EIF4G3: variants seen among roughly 807,000 people sequenced by gnomAD.
EIF4G3 encodes the protein eIF-4-gamma 3.
EIF4G3 carries 34 observed loss-of-function variants against 186.4 expected under a neutral mutation model. The ratio of observed to expected loss-of-function variants is 0.18; its 90% CI spans 0.14 to 0.24. The LOEUF (loss-of-function observed/expected upper bound fraction) is 0.24, where lower values mean the gene tolerates loss of function less well. EIF4G3 is among the 10% of genes least tolerant of loss of function. The probability of loss-of-function intolerance (pLI) is 1.00; values close to 1 mark genes in which losing one functional copy is unlikely to be tolerated. For synonymous variants in EIF4G3, 673 were observed against 679.5 expected (o/e 0.99, Z 0.15); for missense variants, 1,536 against 1,948.5 (o/e 0.79, Z 3.99).
chr1:21,054,557 T>C (rs1292053669), intron 3 of EIF4G3, among the ~76,000 whole-genome samples: 2 of 152,084 alleles, frequency 1.3e-5, no homozygotes, highest in Admixed American at 6.5e-5. Flanking sequence ...AAATAATAAC[T>C]AATGGCAATT....
At chr1:21,084,181 G>A (rs1004732760) in intron 3 of EIF4G3, among the ~76,000 whole-genome samples, 9 of 149,500 alleles carry the variant, frequency 6.0e-5, no homozygotes, top group Non-Finnish European at 1.2e-4. Flanking sequence ...TAATGTCCAT[G>A]TATTAGTCCA....
intron 4 of EIF4G3, among the ~76,000 whole-genome samples, chr1:21,026,271 G>T (rs1012585789): frequency 2.6e-5 from 4 of 152,100 alleles, no homozygotes; most frequent in Non-Finnish European, 5.9e-5. Flanking sequence ...TTTTTGAAAA[G>T]GGTACCAAAA....
intron 19 of EIF4G3, among the ~76,000 whole-genome samples, chr1:20,879,848 A>G (rs903111318): frequency 6.6e-6 from 1 of 152,180 alleles, no homozygotes; most frequent in Admixed American, 6.5e-5. Flanking sequence ...CAGTAATTAC[A>G]CTTTTAGAAA....
chr1:21,174,639 A>G (rs1245961172), intron 2 of EIF4G3: 1 of 152,226 alleles, frequency 6.6e-6, no homozygotes, highest in Non-Finnish European at 1.5e-5. Context: ...AAGATTCAAC[A>G]CTGAACTCTG....
At chr1:21,007,515 T>TAAAAAAAAAAAAAAAAAAAAA (rs368328382) in intron 4 of EIF4G3, among the ~76,000 whole-genome samples, 4 of 14,878 alleles carry the variant, frequency 2.7e-4, no homozygotes, top group African/African-American at 5.2e-4. Context: ...GGCCCCTCCT[T>TAAAAAAAAAAAAAAAAAAAAA]AAAAAAAAAA....
chr1:21,032,211 C>T (rs2092805510), intron 4 of EIF4G3, among the ~76,000 whole-genome samples: 2 of 152,018 alleles, frequency 1.3e-5, no homozygotes, highest in Admixed American at 6.6e-5. Context: ...GCAGACAAGC[C>T]GATTGCTTAT....
intron 25 of EIF4G3, among the ~76,000 whole-genome samples, chr1:20,857,063 T>C (rs1055703881): frequency 4.8e-5 from 7 of 145,016 alleles, no homozygotes; most frequent in Non-Finnish European, 7.4e-5. Flanking sequence ...CTTGGGAGGC[T>C]GAGGCATGAG....
intron 4 of EIF4G3, among the ~76,000 whole-genome samples, chr1:21,030,808 G>C (rs190740273): frequency 5.6e-4 from 85 of 152,284 alleles, no homozygotes; most frequent in African/African-American, 1.9e-3. Flanking sequence ...GACCACATTG[G>C]ACAGTGCAGA....
At chr1:20,823,385 T>C (rs2062861033) in intron 33 of EIF4G3, among the ~76,000 whole-genome samples, 3 of 152,110 alleles carry the variant, frequency 2.0e-5, no homozygotes, top group Admixed American at 6.6e-5. Flanking sequence ...TGTTTATTTA[T>C]TTTATTTTTT....
intron 14 of EIF4G3, among the ~76,000 whole-genome samples, chr1:20,920,094 CAG>C: frequency 6.6e-6 from 1 of 152,140 alleles, no homozygotes; most frequent in South Asian, 2.1e-4. Flanking sequence ...TTTGTAGAGA[CAG>C]GGTTTCTCCA....
At chr1:21,014,611 T>C (rs932918648) in intron 4 of EIF4G3, among the ~76,000 whole-genome samples, 15 of 149,742 alleles carry the variant, frequency 1.0e-4, no homozygotes, top group African/African-American at 2.9e-4. Context: ...GTTAGGATAA[T>C]GGCTTTCAGC....
intron 3 of EIF4G3, among the ~76,000 whole-genome samples, chr1:21,066,971 AG>A (rs750318482): frequency 2.0e-5 from 3 of 152,236 alleles, no homozygotes; most frequent in Non-Finnish European, 4.4e-5. Context: ...CAAACATTAA[AG>A]AACTTTATTA....
At chr1:21,054,027 AGG>A (rs1223281638) in intron 3 of EIF4G3, among the ~76,000 whole-genome samples, 1 of 152,192 alleles carries the variant, frequency 6.6e-6, no homozygotes, top group African/African-American at 2.4e-5. Context: ...TGGAATAGAA[AGG>A]GGGGAAAGGT....
chr1:21,014,364 TA>T (rs2088187067), intron 4 of EIF4G3, among the ~76,000 whole-genome samples: 1 of 152,180 alleles, frequency 6.6e-6, no homozygotes, highest in Non-Finnish European at 1.5e-5. Flanking sequence ...GCAGCTTTGT[TA>T]AACAGGTAAA....
intron 29 of EIF4G3, chr1:20,847,907 G>C: frequency 2.2e-6 from 1 of 455,654 alleles, no homozygotes; most frequent in Non-Finnish European, 4.5e-6. Context: ...AGATAACCAA[G>C]GTGATTTTTA....
chr1:21,091,539 G>A (rs1238206776), intron 2 of EIF4G3, among the ~76,000 whole-genome samples: 1 of 151,952 alleles, frequency 6.6e-6, no homozygotes, highest in African/African-American at 2.4e-5. Flanking sequence ...ATTTAAACAA[G>A]CCAGCTCCAG....
chr1:20,816,808 A>C (rs1249582904), intron 34 of EIF4G3, among the ~76,000 whole-genome samples: 5 of 93,942 alleles, frequency 5.3e-5, no homozygotes, highest in African/African-American at 7.5e-5. Flanking sequence ...AAAGGCGGGA[A>C]GGGTGGGGAA....
At chr1:20,939,847 GTTTTTTTTTT>G (rs538504683) in intron 14 of EIF4G3, among the ~76,000 whole-genome samples, 3 of 89,954 alleles carry the variant, frequency 3.3e-5, no homozygotes, top group African/African-American at 1.2e-4. Flanking sequence ...AAGTTGTTTA[GTTTTTTTTTT>G]TTTTTTTTTT....
At chr1:21,028,843 A>T (rs1420431889) in intron 4 of EIF4G3, among the ~76,000 whole-genome samples, 2 of 152,264 alleles carry the variant, frequency 1.3e-5, no homozygotes, top group Non-Finnish European at 2.9e-5. Flanking sequence ...GCTAAGTTGT[A>T]GCTATATTAT....
Sources: allele counts gnomAD v4.1 joint callset (sites outside exome capture counted in the v4.1 genomes callset), GRCh38; gene constraint gnomAD v4.1.1; transcripts MANE v1.5; gene names NCBI Gene and HGNC (gene_info 2026-07-23, HGNC 2026-07-21).